FOXN2: variants seen among roughly 807,000 people sequenced by gnomAD.
FOXN2 encodes forkhead box protein N2.
Under a neutral mutation model 41.2 loss-of-function variants are expected in FOXN2, and 19 were observed. The ratio of observed to expected loss-of-function variants is 0.46; its 90% CI spans 0.32 to 0.68. The LOEUF is 0.68. FOXN2 is among the 30% of genes least tolerant of loss of function. The pLI is 0.03. For synonymous variants in FOXN2, 195 were observed against 176.8 expected (o/e 1.10, Z -0.82); for missense variants, 587 against 509.4 (o/e 1.15, Z -1.47).
At chr2:48,342,204 T>TA (rs1670822222) in intron 2 of FOXN2, among the ~76,000 whole-genome samples, 1 of 152,178 alleles carries the variant, frequency 6.6e-6, no homozygotes, top group East Asian at 1.9e-4. Flanking sequence ...CACTGGTTTT[T>TA]ATAAGCTTTT....
intron 6 of FOXN2, 82 bp from the exon 7 acceptor site, chr2:48,374,838 A>G: frequency 6.1e-6 from 7 of 1,152,896 alleles, no homozygotes; most frequent in East Asian, 2.4e-5. Context: ...TTGTTGCTCA[A>G]GAGTAATGTA....
chr2:48,342,366 G>C (rs942539092), intron 2 of FOXN2, among the ~76,000 whole-genome samples: 1 of 151,714 alleles, frequency 6.6e-6, no homozygotes, highest in Non-Finnish European at 1.5e-5. Context: ...ATGAATATCT[G>C]TGTGTCCCTC....
chr2:48,343,308 C>G (rs899672578), intron 2 of FOXN2, among the ~76,000 whole-genome samples: 5 of 151,892 alleles, frequency 3.3e-5, no homozygotes, highest in African/African-American at 9.7e-5. Context: ...GATTCATTTC[C>G]AAAATAAATT....
chr2:48,373,858 C>A (rs569488420), intron 6 of FOXN2, among the ~76,000 whole-genome samples: 1 of 152,188 alleles, frequency 6.6e-6, no homozygotes, highest in African/African-American at 2.4e-5. Flanking sequence ...AGTTCCAGAT[C>A]AGCCTGGGCA....
At chr2:48,319,857 C>G (rs1327412894) in intron 1 of FOXN2, among the ~76,000 whole-genome samples, 1 of 141,018 alleles carries the variant, frequency 7.1e-6, no homozygotes, top group East Asian at 2.1e-4. Context: ...GTCTCAAACT[C>G]CTGGGCTCAA....
chr2:48,339,838 A>G (rs1019349653), intron 2 of FOXN2, among the ~76,000 whole-genome samples: 2 of 152,232 alleles, frequency 1.3e-5, no homozygotes, highest in South Asian at 2.1e-4. Context: ...GACTTCTATA[A>G]CAGTAGTACT....
intron 5 of FOXN2, among the ~76,000 whole-genome samples, chr2:48,364,005 TCTC>T (rs1672369795): frequency 6.6e-6 from 1 of 152,194 alleles, no homozygotes; most frequent in African/African-American, 2.4e-5. Context: ...GCTCAAGTGA[TCTC>T]CTACCTCAGC....
intron 5 of FOXN2, among the ~76,000 whole-genome samples, chr2:48,369,657 A>T (rs994617137): frequency 4.6e-5 from 7 of 152,154 alleles, no homozygotes; most frequent in African/African-American, 1.7e-4. Flanking sequence ...TTTTCTTGTT[A>T]GATTATTTTA....
chr2:48,314,149 G>A (rs1164868254), upstream of FOXN2, among the ~76,000 whole-genome samples: 1 of 152,248 alleles, frequency 6.6e-6, no homozygotes, highest in African/African-American at 2.4e-5. Context: ...AGGCAATGGC[G>A]GAAGGTCTTG....
chr2:48,350,992 G>A (rs745618318), intron 3 of FOXN2, among the ~76,000 whole-genome samples: 9 of 151,884 alleles, frequency 5.9e-5, no homozygotes, highest in Non-Finnish European at 1.0e-4. Context: ...TTGAGATAGG[G>A]TCTCACTTTG....
At chr2:48,325,344 C>A (rs991892485) in intron 1 of FOXN2, among the ~76,000 whole-genome samples, 3 of 152,090 alleles carry the variant, frequency 2.0e-5, no homozygotes, top group African/African-American at 7.2e-5. Flanking sequence ...TACAACAATA[C>A]CTGTTACCAA....
chr2:48,347,891 T>C (rs1336397070), intron 3 of FOXN2, among the ~76,000 whole-genome samples: 4 of 152,210 alleles, frequency 2.6e-5, no homozygotes, highest in African/African-American at 4.8e-5. Flanking sequence ...TTTATTGTCT[T>C]CTGGCTCCCA....
chr2:48,323,295 G>C (rs1454842105), intron 1 of FOXN2, among the ~76,000 whole-genome samples: 1 of 152,056 alleles, frequency 6.6e-6, no homozygotes, highest in East Asian at 1.9e-4. Context: ...TCTGATTTTA[G>C]TTTTTGAGGA....
chr2:48,375,456 T>TA lies in FOXN2; in HGVS notation c.*13_*14insA. ...ACGGAAAAAATAGAAATACTTAAAG[T>TA]GTGGCAATACTCTTTCACTTAATTC... On this transcript the variant is annotated 3_prime_UTR_variant, in exon 7 of 7. Transcript: ENST00000340553. 2 of 1,588,852 alleles carry TA rather than the reference T, an allele frequency of 1.3e-6. No homozygotes were observed. The highest frequency in any genetic ancestry group is 1.7e-6 in the Non-Finnish European group (2 of 1,168,632).
intron 3 of FOXN2, among the ~76,000 whole-genome samples, chr2:48,356,438 C>CA (rs531666142): frequency 0.019 from 2,730 of 143,232 alleles, 51 homozygotes; most frequent in Middle Eastern, 0.043. Context: ...GAGACTGTCT[C>CA]AAAAAAAAAA....
At position 48,352,042 on chromosome 2, in the gene FOXN2, A is replaced by G. The variant is rs186631873; in HGVS notation, c.537+5291A>G. ...GAAGTGTGATGAATATCATGCTTGGACTTCAGTTTTGGGCTTCAGTTGTTT... is the reference window on the plus strand; with the variant it reads ...GAAGTGTGATGAATATCATGCTTGGGCTTCAGTTTTGGGCTTCAGTTGTTT... On this transcript the variant is annotated intron_variant, in intron 3 of 6. Coordinates refer to ENST00000340553, the MANE Select transcript of FOXN2 (RefSeq NM_002158.4). Among the ~76,000 whole-genome samples, 30 of 130,894 alleles carry G rather than the reference A, an allele frequency of 2.3e-4. No individual in the cohort carries two copies. In the East Asian group the frequency reaches 8.3e-3, roughly 36 times the overall value. 85.9% of individuals were successfully genotyped at this position (130,894 alleles called of 152,430 possible).
chr2:48,318,216 C>T (rs1669062711), intron 1 of FOXN2, among the ~76,000 whole-genome samples: 2 of 152,188 alleles, frequency 1.3e-5, no homozygotes, highest in Non-Finnish European at 2.9e-5. Flanking sequence ...TGTTACAGTA[C>T]TATTAACTAC....
intron 3 of FOXN2, among the ~76,000 whole-genome samples, chr2:48,353,721 A>G (rs1671612301): frequency 6.6e-6 from 1 of 151,868 alleles, no homozygotes. Flanking sequence ...TGGGTTTCTA[A>G]TTTTTTGTTA....
intron 3 of FOXN2, among the ~76,000 whole-genome samples, chr2:48,356,266 C>T (rs181953629): frequency 6.6e-6 from 1 of 152,136 alleles, no homozygotes; most frequent in Admixed American, 6.5e-5. Context: ...CATGGTGGAA[C>T]CCTGTCTCTA....
Sources: allele counts gnomAD v4.1 joint callset (sites outside exome capture counted in the v4.1 genomes callset), GRCh38; gene constraint gnomAD v4.1.1; transcripts MANE v1.5; gene names NCBI Gene and HGNC (gene_info 2026-07-23, HGNC 2026-07-21).